The following RHBDD2 variants were observed in gnomAD, a reference collection of about 807,000 sequenced individuals.
RHBDD2 encodes the protein rhomboid domain containing 2.
RHBDD2 carries 13 observed loss-of-function variants against 21.7 expected under a neutral mutation model. The ratio of observed to expected loss-of-function variants is 0.60; its 90% CI spans 0.39 to 0.95. The LOEUF is 0.95. Among genes scored for constraint, RHBDD2 ranks in the 40% least tolerant of loss-of-function variants. The pLI, the probability that RHBDD2 is intolerant of heterozygous loss-of-function variation, is 0.00. For missense variants in RHBDD2, 473 were observed against 478.9 expected, an observed-to-expected ratio of 0.99 and a Z score of 0.11; for synonymous variants, 225 against 220.0, an observed-to-expected ratio of 1.02 and a Z score of -0.20.
At chr7:75,885,382 C>G (rs1377667988) in intron 3 of RHBDD2, among the ~76,000 whole-genome samples, 3 of 152,038 alleles carry the variant, frequency 2.0e-5, no homozygotes, top group African/African-American at 2.4e-5. Context: ...AAGCACGTCC[C>G]CTGCTTAGGA....
intron 3 of RHBDD2, among the ~76,000 whole-genome samples, chr7:75,884,508 G>A (rs1188608427): frequency 6.6e-6 from 1 of 152,210 alleles, no homozygotes; most frequent in Non-Finnish European, 1.5e-5. Context: ...GTGAGCCACT[G>A]AGCCTGGCCT....
chr7:75,884,059 AT>A (rs1805504856), intron 3 of RHBDD2, among the ~76,000 whole-genome samples: 4 of 151,410 alleles, frequency 2.6e-5, no homozygotes, highest in Admixed American at 2.0e-4. Context: ...CATCCAGCTA[AT>A]TTTTTTGTAT....
intron 3 of RHBDD2, among the ~76,000 whole-genome samples, chr7:75,887,134 A>ATTT (rs528254017): frequency 1.0e-4 from 13 of 124,282 alleles, no homozygotes; most frequent in African/African-American, 2.5e-4. Context: ...TTGATAGATA[A>ATTT]TTTTTTTTTT....
rs530714356 is a variant in RHBDD2, at chr7:75,883,647, C to T, written c.587-51C>T. ...ACCTGTGTTCTCCCCGGGGAGTGTTCGGCCCTCCTCCCTTTGCTGCCTCCA... is the reference window on the plus strand; with the variant it reads ...ACCTGTGTTCTCCCCGGGGAGTGTTTGGCCCTCCTCCCTTTGCTGCCTCCA... On this transcript the variant is annotated intron_variant, in intron 2 of 3. Transcript: ENST00000006777. 58 of 1,553,462 alleles carry T rather than the reference C, an allele frequency of 3.7e-5. No individual in the cohort carries two copies. The East Asian group carries it at 7.7e-4, about 21-fold the overall frequency.
intron 1 of RHBDD2, 128 bp from the exon 2 acceptor site, chr7:75,881,701 C>G (rs1311663180): frequency 9.7e-7 from 1 of 1,029,264 alleles, no homozygotes; most frequent in African/African-American, 1.6e-5. Context: ...TTGCCTCCTG[C>G]TGCGACTCAC....
chr7:75,887,508 G>T (rs537049696), intron 3 of RHBDD2, among the ~76,000 whole-genome samples: 1 of 151,478 alleles, frequency 6.6e-6, no homozygotes, highest in African/African-American at 2.4e-5. Flanking sequence ...ATTTTTAGTA[G>T]AGACCGGGTT....
In RHBDD2 at chr7:75,883,726, C is replaced by T; in HGVS notation, c.615C>T (p.Asp205=). The T allele has an allele frequency of 6.2e-7, 1 of 1,613,682 alleles. No individual in the cohort carries two copies. Among genetic ancestry groups the T allele is most frequent in the Non-Finnish European group, 8.5e-7 (1 of 1,179,810 alleles). The change falls in exon 3 of 4, where the codon GAC becomes GAT. Residue 205 remains aspartate, a synonymous_variant. Transcript: ENST00000006777. The part of the protein sequence containing the change: ...AYGLTYCYSI[D]LSERVALKLD... ...GCCTCACCTACTGCTATTCCATCGA[C>T]CTCTCAGAGCGAGTGGCACTGAAGC...
intron 1 of RHBDD2, chr7:75,881,513 G>A: frequency 7.5e-7 from 1 of 1,325,928 alleles, no homozygotes. Context: ...ACCTGAAAAA[G>A]GATTATAAAG....
chr7:75,880,046 C>G (rs967659086), intron 1 of RHBDD2, among the ~76,000 whole-genome samples: 1 of 152,138 alleles, frequency 6.6e-6, no homozygotes, highest in African/African-American at 2.4e-5. Flanking sequence ...GACGTAGGAC[C>G]TGTTATTGGC....
At chr7:75,880,925 C>G (rs1366370509) in intron 1 of RHBDD2, among the ~76,000 whole-genome samples, 3 of 152,084 alleles carry the variant, frequency 2.0e-5, no homozygotes, top group African/African-American at 7.2e-5. Context: ...GGGGGTCTCA[C>G]TATGTTACCT....
chr7:75,879,358 AC>A lies in RHBDD2; in HGVS notation c.178+100del, dbSNP rs143282227. On this transcript the variant is annotated intron_variant, in intron 1 of 3. Coordinates refer to ENST00000006777, the MANE Select transcript of RHBDD2 (RefSeq NM_001040456.3). ...TCCGGGACTCGCCCCTTCAGGCCTC[AC>A]CGCCAGTCTCCCCCTGTCTCGGTCC... 3.8e-3 allele frequency: 4,416 copies of A among 1,152,640 alleles called. 112 individuals carry two copies. The East Asian group carries it at 0.054, about 14-fold the overall frequency. The allele number at this position is 1,152,640 out of a possible 1,614,324, so 71.4% of individuals were successfully genotyped here. A position where few individuals can be genotyped will look rare whatever the true frequency, so the allele number is the denominator to read the frequency against.
chr7:75,882,894 TCAGACGAC>T (rs1377918123), intron 2 of RHBDD2, among the ~76,000 whole-genome samples: 4 of 152,068 alleles, frequency 2.6e-5, no homozygotes, highest in African/African-American at 9.7e-5. Flanking sequence ...GTGACTTAGG[TCAGACGAC>T]CAGGATACCA....
intron 2 of RHBDD2, 41 bp from the exon 3 acceptor site, chr7:75,883,657 C>T: frequency 1.3e-6 from 2 of 1,596,730 alleles, no homozygotes; most frequent in South Asian, 2.2e-5. Context: ...CGGCCCTCCT[C>T]CCTTTGCTGC....
intron 3 of RHBDD2, among the ~76,000 whole-genome samples, chr7:75,887,635 T>A (rs1389493430): frequency 6.6e-6 from 1 of 152,046 alleles, no homozygotes; most frequent in Non-Finnish European, 1.5e-5. Flanking sequence ...GAATCCGTTC[T>A]CTTTGGGCAG....
At position 75,888,589 on chromosome 7, in the gene RHBDD2, T is replaced by C. The variant is rs872792; in HGVS notation, c.*240T>C. ...CATCAGATAAAGTCACGTGGCTCTT[T>C]AGTAACACGGACAAGGCTCCTCGCC... On this transcript the variant is annotated 3_prime_UTR_variant, in exon 4 of 4. Transcript: ENST00000006777. 0.018 allele frequency: 9,040 copies of C among 507,604 alleles called. 527 individuals carry two copies. Among genetic ancestry groups the C allele is most frequent in the African/African-American group, 0.14 (7,246 of 52,360 alleles). 31.4% of individuals were successfully genotyped at this position (507,604 alleles called of 1,614,324 possible). A position where few individuals can be genotyped will look rare whatever the true frequency, so the allele number is the denominator to read the frequency against.
At position 75,888,425 on chromosome 7, in the gene RHBDD2, T is replaced by C. The variant is rs1554544602; in HGVS notation, c.*76T>C. ...AGAGTCTCCTGACAAAAGTTACTTATTGAACACCTCTATGTGCCAGGCTCT... is the reference window on the plus strand; with the variant it reads ...AGAGTCTCCTGACAAAAGTTACTTACTGAACACCTCTATGTGCCAGGCTCT... On this transcript the variant is annotated 3_prime_UTR_variant, in exon 4 of 4. Transcript: ENST00000006777. 6 of 1,152,768 alleles carry C rather than the reference T, an allele frequency of 5.2e-6. No homozygotes were observed. Among genetic ancestry groups the C allele is most frequent in the South Asian group, 1.3e-5 (1 of 75,116 alleles). The allele number at this position is 1,152,768 out of a possible 1,614,324, so 71.4% of individuals were successfully genotyped here.
At chr7:75,880,866 C>T (rs140247474) in intron 1 of RHBDD2, among the ~76,000 whole-genome samples, 1 of 152,226 alleles carries the variant, frequency 6.6e-6, no homozygotes, top group African/African-American at 2.4e-5. Context: ...GCTGGGACTA[C>T]AAGTACACAT....
At chr7:75,879,329 A>G (rs1017504648) in intron 1 of RHBDD2, 69 bp downstream of exon 1, 14 of 1,356,088 alleles carry the variant, frequency 1.0e-5, no homozygotes, top group Non-Finnish European at 1.2e-5. Flanking sequence ...CCTGGGCTCT[A>G]GCCTCCGGGA....
Position 75,888,375 on chromosome 7 carries a change from C to G in RHBDD2, c.*26C>G. 6.4e-7 allele frequency: 1 copy of G among 1,571,632 alleles called. No homozygotes were observed. The highest frequency in any genetic ancestry group is 8.7e-7 in the Non-Finnish European group (1 of 1,152,344). The stretch of plus-strand genomic sequence containing the variant: ...GAGAATTTCTAGGGAAGTCATCTCA[C>G]TTGGCCTTCTGAAGGTCCTCCCTAA... On this transcript the variant is annotated 3_prime_UTR_variant, in exon 4 of 4. Transcript: ENST00000006777.
Sources: gnomAD v4.1 joint callset for allele counts (sites outside exome capture counted in the v4.1 genomes callset) on GRCh38, gnomAD v4.1.1 for gene constraint, MANE v1.5 for transcripts, NCBI Gene and HGNC (gene_info 2026-07-23, HGNC 2026-07-21) for gene names.